EPHB1: variants seen among roughly 807,000 people sequenced by gnomAD.
The protein encoded by EPHB1 is EPH receptor B1.
In EPHB1, 30 loss-of-function variants were observed where a neutral mutation model predicts 94.4. That is an observed-to-expected ratio of 0.32 (90% confidence interval 0.24 to 0.43). The LOEUF is 0.43. Ranked by LOEUF, EPHB1 falls within the 20% of genes least tolerant of loss-of-function variation. EPHB1 has a pLI of 1.00. For missense variants in EPHB1, 1,055 were observed against 1,308.3 expected (o/e 0.81, Z 2.99); for synonymous variants, 522 against 489.1 (o/e 1.07, Z -0.89).
At chr3:134,816,186 G>A (rs1474405974) in intron 1 of EPHB1, among the ~76,000 whole-genome samples, 1 of 150,076 alleles carries the variant, frequency 6.7e-6, no homozygotes, top group East Asian at 2.0e-4. Flanking sequence ...GGGTTCAAGC[G>A]ATTCTCATGC....
intron 15 of EPHB1, among the ~76,000 whole-genome samples, chr3:135,257,729 G>GCTGTA (rs1933466353): frequency 8.4e-6 from 1 of 118,748 alleles, no homozygotes; most frequent in Non-Finnish European, 1.8e-5. Flanking sequence ...GCCTCCTTGA[G>GCTGTA]CTGGGCTCCA....
intron 1 of EPHB1, among the ~76,000 whole-genome samples, chr3:134,870,766 G>A (rs937637707): frequency 4.6e-5 from 7 of 152,254 alleles, no homozygotes; most frequent in Non-Finnish European, 8.8e-5. Context: ...AGGGTTAAAC[G>A]AAATGCGAAT....
chr3:135,183,011 T>C (rs1942201944), intron 10 of EPHB1, among the ~76,000 whole-genome samples: 1 of 72,830 alleles, frequency 1.4e-5, no homozygotes, highest in Non-Finnish European at 3.0e-5. Flanking sequence ...TTTTCTTTTC[T>C]TTTCTTTTCT....
In EPHB1 at chr3:135,017,172, T is replaced by C. The variant is rs112455667; in HGVS notation, c.805+65120T>C. Among the ~76,000 whole-genome samples, 1,307 of 152,326 alleles carry C rather than the reference T, an allele frequency of 8.6e-3. 21 individuals are homozygous for C. The highest frequency in any genetic ancestry group is 0.029 in the African/African-American group (1,223 of 41,562). ...GCTCTGTGTGCAAGTGCAGGGTCTG[T>C]GTCACCAAGCACCGCCTTCACTGCT... On this transcript the variant is annotated intron_variant, in intron 3 of 15. Coordinates refer to ENST00000398015, the MANE Select transcript of EPHB1 (RefSeq NM_004441.5).
intron 10 of EPHB1, among the ~76,000 whole-genome samples, chr3:135,191,841 G>T (rs28594191): frequency 0.36 from 55,462 of 152,078 alleles, 10,599 homozygotes; most frequent in East Asian, 0.64. Context: ...GGTCGGCCCC[G>T]GCTTTCCTGC....
chr3:135,175,306 T>A (rs1941946156), intron 9 of EPHB1, among the ~76,000 whole-genome samples: 1 of 152,204 alleles, frequency 6.6e-6, no homozygotes, highest in South Asian at 2.1e-4. Context: ...AGAAGTTTCT[T>A]CTGCTTCAAG....
chr3:135,231,017 G>A (rs1362757345), intron 12 of EPHB1, among the ~76,000 whole-genome samples: 15 of 152,090 alleles, frequency 9.9e-5, no homozygotes, highest in Admixed American at 7.9e-4. Flanking sequence ...CATGAATAGC[G>A]AGGCGATGAA....
chr3:135,070,900 C>T (rs772485639), intron 3 of EPHB1, among the ~76,000 whole-genome samples: 4 of 152,114 alleles, frequency 2.6e-5, no homozygotes, highest in Non-Finnish European at 5.9e-5. Context: ...AAAGGGAGAT[C>T]AGATCATAAG....
intron 12 of EPHB1, among the ~76,000 whole-genome samples, chr3:135,223,878 A>G (rs1320465960): frequency 6.6e-6 from 1 of 152,230 alleles, no homozygotes; most frequent in Non-Finnish European, 1.5e-5. Flanking sequence ...GCCCTCTGGA[A>G]CCTTCAGTCT....
chr3:135,089,184 A>G (rs772077787), intron 3 of EPHB1, among the ~76,000 whole-genome samples: 2 of 152,248 alleles, frequency 1.3e-5, no homozygotes, highest in African/African-American at 2.4e-5. Context: ...TTTACTTGGT[A>G]TAAAAATACT....
intron 12 of EPHB1, among the ~76,000 whole-genome samples, chr3:135,215,590 G>A (rs931161112): frequency 6.6e-6 from 1 of 152,226 alleles, no homozygotes; most frequent in Admixed American, 6.5e-5. Context: ...ATTCGCGAAG[G>A]AAAATTGAGG....
intron 3 of EPHB1, among the ~76,000 whole-genome samples, chr3:135,093,133 G>T (rs1938618436): frequency 6.6e-6 from 1 of 152,218 alleles, no homozygotes; most frequent in South Asian, 2.1e-4. Flanking sequence ...CCAGATGTGT[G>T]TTGAGAGAAT....
At chr3:135,152,635 G>C (rs761025207) in intron 5 of EPHB1, among the ~76,000 whole-genome samples, 6 of 152,190 alleles carry the variant, frequency 3.9e-5, no homozygotes, top group Non-Finnish European at 7.3e-5. Flanking sequence ...TTAGCTTGCT[G>C]TGGGGGTTAT....
chr3:135,079,013 G>A (rs1418965103), intron 3 of EPHB1, among the ~76,000 whole-genome samples: 1 of 151,880 alleles, frequency 6.6e-6, no homozygotes, highest in Non-Finnish European at 1.5e-5. Context: ...CCAGCACCCA[G>A]CATTACAGTG....
At chr3:135,034,803 A>C (rs1342890267) in intron 3 of EPHB1, among the ~76,000 whole-genome samples, 1 of 152,196 alleles carries the variant, frequency 6.6e-6, no homozygotes, top group Admixed American at 6.5e-5. Context: ...GCTGACTTGT[A>C]AGTGCAACAC....
At chr3:134,852,531 A>C (rs2037010299) in intron 1 of EPHB1, 1 of 152,180 alleles carries the variant, frequency 6.6e-6, no homozygotes, top group Non-Finnish European at 1.5e-5. Flanking sequence ...ATCCAACTGC[A>C]ACAGAATACA....
At position 135,123,222 on chromosome 3, in the gene EPHB1, G is replaced by A. The variant is rs141640539; in HGVS notation, c.962-9492G>A. 5.4e-3 allele frequency among the ~76,000 whole-genome samples: 817 copies of A among 152,268 alleles called. 8 individuals carry two copies. The highest frequency in any genetic ancestry group is 0.017 in the African/African-American group (710 of 41,544). ...AAGTTTCTTTATACTCTGAGCTAGAGTTTTCTCATGATTAAACTGTAGACA... is the reference window on the plus strand; with the variant it reads ...AAGTTTCTTTATACTCTGAGCTAGAATTTTCTCATGATTAAACTGTAGACA... On this transcript the variant is annotated intron_variant, in intron 4 of 15. Coordinates refer to ENST00000398015, the MANE Select transcript of EPHB1 (RefSeq NM_004441.5).
At chr3:134,952,139 G>C in intron 3 of EPHB1, 87 bp downstream of exon 3, 1 of 1,387,228 alleles carries the variant, frequency 7.2e-7, no homozygotes, top group Non-Finnish European at 9.8e-7. Context: ...GGTCATACAG[G>C]AACAGAAAAT....
intron 1 of EPHB1, among the ~76,000 whole-genome samples, chr3:134,869,233 C>T (rs1340148393): frequency 2.0e-5 from 3 of 152,092 alleles, no homozygotes; most frequent in Admixed American, 6.6e-5. Context: ...GATAGAGAGC[C>T]CAACCCACTT....
Sources: allele counts gnomAD v4.1 joint callset (sites outside exome capture counted in the v4.1 genomes callset), GRCh38; gene constraint gnomAD v4.1.1; transcripts MANE v1.5; gene names NCBI Gene and HGNC (gene_info 2026-07-23, HGNC 2026-07-21).